Variants in KIAA1958 observed in about 807,000 individuals in gnomAD.
KIAA1958 encodes KIAA1958, also known as uncharacterized protein KIAA1958.
In KIAA1958, 14 loss-of-function variants were observed where a neutral mutation model predicts 47.2. The observed-to-expected ratio is 0.30, with a 90% CI of 0.20 to 0.46. The LOEUF (loss-of-function observed/expected upper bound fraction) is 0.46. KIAA1958 is among the 20% of genes least tolerant of loss of function. KIAA1958 has a pLI of 1.00. For missense variants in KIAA1958, 803 were observed against 909.2 expected (o/e 0.88, Z 1.50); for synonymous variants, 354 against 353.3 (o/e 1.00, Z -0.02).
chr9:112,633,929 A>G (rs373568733), intron 2 of KIAA1958, among the ~76,000 whole-genome samples: 4 of 152,222 alleles, frequency 2.6e-5, no homozygotes, highest in African/African-American at 9.6e-5. Context: ...TTGTACTATT[A>G]TGCTTTTATG....
chr9:112,530,290 T>G (rs1448771037), intron 1 of KIAA1958, among the ~76,000 whole-genome samples: 1 of 152,254 alleles, frequency 6.6e-6, no homozygotes, highest in African/African-American at 2.4e-5. Context: ...ACTACTTTGT[T>G]GCTCAAATTG....
chr9:112,501,543 A>T (rs1564150444), intron 1 of KIAA1958, among the ~76,000 whole-genome samples: 3 of 152,216 alleles, frequency 2.0e-5, no homozygotes, highest in Admixed American at 6.5e-5. Context: ...GGCCTCTTTC[A>T]ATCAAGTCTT....
At chr9:112,621,322 C>T (rs1347712934) in intron 2 of KIAA1958, among the ~76,000 whole-genome samples, 2 of 152,168 alleles carry the variant, frequency 1.3e-5, no homozygotes, top group African/African-American at 2.4e-5. Flanking sequence ...CATCAGACAG[C>T]CTACTTTAAG....
At chr9:112,493,661 A>AGCTTCTG (rs1834008268) in intron 1 of KIAA1958, among the ~76,000 whole-genome samples, 1 of 152,270 alleles carries the variant, frequency 6.6e-6, no homozygotes, top group Admixed American at 6.5e-5. Flanking sequence ...CTTACGGTAA[A>AGCTTCTG]GCTTCTGTAA....
intron 1 of KIAA1958, among the ~76,000 whole-genome samples, chr9:112,519,579 A>G (rs80257782): frequency 0.013 from 1,904 of 152,296 alleles, 42 homozygotes; most frequent in African/African-American, 0.041. Context: ...TAATTTACCT[A>G]GGTTTGCCTT....
At chr9:112,530,804 A>G (rs1416708702) in intron 1 of KIAA1958, among the ~76,000 whole-genome samples, 1 of 152,228 alleles carries the variant, frequency 6.6e-6, no homozygotes, top group African/African-American at 2.4e-5. Context: ...AAGATTGCTT[A>G]GTCTAAAAAA....
chr9:112,529,173 C>T (rs192684591), intron 1 of KIAA1958, among the ~76,000 whole-genome samples: 1 of 152,206 alleles, frequency 6.6e-6, no homozygotes, highest in African/African-American at 2.4e-5. Context: ...TATTATCTAC[C>T]TATATCTACA....
At chr9:112,637,969 C>T (rs1358567963) in intron 2 of KIAA1958, among the ~76,000 whole-genome samples, 2 of 151,934 alleles carry the variant, frequency 1.3e-5, no homozygotes, top group Non-Finnish European at 2.9e-5. Flanking sequence ...GCCAACATGG[C>T]GAAACCTCGT....
intron 2 of KIAA1958, among the ~76,000 whole-genome samples, chr9:112,591,431 A>G (rs957691201): frequency 6.6e-6 from 1 of 152,140 alleles, no homozygotes; most frequent in Non-Finnish European, 1.5e-5. Context: ...AACTACTTTT[A>G]GTATTGGAAT....
chr9:112,569,367 T>C lies in KIAA1958; in HGVS notation c.-24-4690T>C, dbSNP rs191667412. On this transcript the variant is annotated intron_variant, in intron 1 of 3. Transcript: ENST00000337530. ...CATTAAGTGTCTTCTTATCCTATTG[T>C]GCACATAATTATTTTTGAACTAGTC... 2.5e-4 allele frequency among the ~76,000 whole-genome samples: 38 copies of C among 152,320 alleles called. No individual in the cohort carries two copies. In the East Asian group the frequency reaches 7.3e-3, roughly 29 times the overall value.
rs1445625752 is a variant in KIAA1958 at position 112,575,354 on chromosome 9, CTT to C, written c.1171+105_1171+106del. 4.2e-6 allele frequency: 3 copies of C among 721,776 alleles called. No individual in the cohort carries two copies. In the East Asian group the frequency reaches 8.0e-5, roughly 19 times the overall value. The allele number at this position is 721,776 out of a possible 1,614,324, so 44.7% of individuals were successfully genotyped here. A position where few individuals can be genotyped will look rare whatever the true frequency, so the allele number is the denominator to read the frequency against. ...TCACTCAGTTTGCTAGAATTCAGTC[CTT>C]TGTTAGTCATAGAAAGATAGAAACA... On this transcript the variant is annotated intron_variant, in intron 2 of 3. Transcript: ENST00000337530.
intron 1 of KIAA1958, among the ~76,000 whole-genome samples, chr9:112,566,562 C>G (rs1432014791): frequency 3.9e-5 from 6 of 152,174 alleles, no homozygotes; most frequent in African/African-American, 1.4e-4. Context: ...TTCAAGAACA[C>G]AGTGAACTGC....
At chr9:112,515,351 C>T (rs1442012475) in intron 1 of KIAA1958, among the ~76,000 whole-genome samples, 1 of 147,510 alleles carries the variant, frequency 6.8e-6, no homozygotes, top group African/African-American at 2.5e-5. Context: ...GTGAGGAGCC[C>T]CTCTGCCCGG....
chr9:112,515,894 TAAAAAAA>T (rs58492221), intron 1 of KIAA1958, among the ~76,000 whole-genome samples: 2 of 97,118 alleles, frequency 2.1e-5, no homozygotes, highest in African/African-American at 4.0e-5. Flanking sequence ...AAAAATAAAT[TAAAAAAA>T]AAAAAAAAAA....
chr9:112,569,777 T>TGGA (rs1835501904), intron 1 of KIAA1958, among the ~76,000 whole-genome samples: 1 of 152,044 alleles, frequency 6.6e-6, no homozygotes, highest in Non-Finnish European at 1.5e-5. Context: ...TGCGCCTCCA[T>TGGA]GCCTGACTAA....
chr9:112,659,538 G>A lies in KIAA1958; in HGVS notation c.1620G>A (p.Glu540=). Residue 540 remains glutamate (E), a synonymous_variant, in exon 4 of 4, where the codon GAG becomes GAA. Coordinates refer to ENST00000337530, the MANE Select transcript of KIAA1958 (RefSeq NM_133465.4). ...IVYFSLSDEE[E]MWQAGCLGDD... ...ACTTCTCCCTTTCTGACGAGGAGGA[G>A]ATGTGGCAGGCAGGGTGTCTGGGGG... 1 of 1,613,266 alleles carries A rather than the reference G, an allele frequency of 6.2e-7. No individual in the cohort carries two copies. The highest frequency in any genetic ancestry group is 8.5e-7 in the Non-Finnish European group (1 of 1,179,618).
intron 2 of KIAA1958, among the ~76,000 whole-genome samples, chr9:112,580,525 G>A (rs1371032503): frequency 1.3e-5 from 2 of 152,094 alleles, no homozygotes; most frequent in African/African-American, 4.8e-5. Context: ...AGTGGCTCAT[G>A]CCTGTAATCC....
chr9:112,573,862 C>T (rs968441572), intron 1 of KIAA1958, among the ~76,000 whole-genome samples, 195 bp from the exon 2 acceptor site: 4 of 152,122 alleles, frequency 2.6e-5, no homozygotes, highest in African/African-American at 9.7e-5. Flanking sequence ...CCACAACCAT[C>T]AGTCATCAGC....
intron 2 of KIAA1958, chr9:112,619,334 T>C (rs1836459751): frequency 6.6e-6 from 1 of 152,282 alleles, no homozygotes; most frequent in Admixed American, 6.5e-5. Context: ...TAAATGGCTT[T>C]ATTTTTTTAA....
Sources: allele counts gnomAD v4.1 joint callset (sites outside exome capture counted in the v4.1 genomes callset), GRCh38; gene constraint gnomAD v4.1.1; transcripts MANE v1.5; gene names NCBI Gene and HGNC (gene_info 2026-07-23, HGNC 2026-07-21).